The following HSD17B12 variants were observed in gnomAD, a reference collection of about 807,000 sequenced individuals.
HSD17B12 encodes hydroxysteroid 17-beta dehydrogenase 12, also known as very-long-chain 3-oxoacyl-CoA reductase.
HSD17B12 carries 32 observed loss-of-function variants against 39.3 expected under a neutral mutation model. The ratio of observed to expected loss-of-function variants is 0.81; its 90% CI spans 0.61 to 1.09. HSD17B12 has a LOEUF of 1.09. Ranked by LOEUF, HSD17B12 falls within the 50% of genes least tolerant of loss-of-function variation. HSD17B12 has a pLI of 0.00. For synonymous variants in HSD17B12, 150 were observed against 146.7 expected (o/e 1.02, Z -0.16); for missense variants, 342 against 382.9 (o/e 0.89, Z 0.89).
intron 3 of HSD17B12, among the ~76,000 whole-genome samples, chr11:43,767,214 A>C (rs1378372121): frequency 1.3e-5 from 2 of 151,976 alleles, no homozygotes; most frequent in African/African-American, 4.8e-5. Flanking sequence ...TAAAAAAAAA[A>C]AACACTTTTT....
the HSD17B12 span, among the ~76,000 whole-genome samples, chr11:43,583,382 T>A: frequency 6.6e-6 from 1 of 152,210 alleles, no homozygotes; most frequent in East Asian, 1.9e-4. Context: ...CAACTGTTGC[T>A]GCCTTGGAGA....
At position 43,827,663 on chromosome 11, in the gene HSD17B12, C is replaced by T. The variant is rs550256967; in HGVS notation, c.502-3313C>T. ...TGCAGATGGTTACATTTTAATATAA[C>T]ATTTTCAAGGATTTTCTAGGCCAGC... is the stretch of plus-strand genomic sequence containing the variant. On this transcript the variant is annotated intron_variant, in intron 6 of 10. Transcript: ENST00000278353. Among the ~76,000 whole-genome samples, 9 of 152,246 alleles carry T rather than the reference C, an allele frequency of 5.9e-5. No individual in the cohort carries two copies. In the South Asian group the frequency reaches 6.2e-4, roughly 11 times the overall value.
chr11:43,611,621 A>G, the HSD17B12 span, among the ~76,000 whole-genome samples: 1 of 152,238 alleles, frequency 6.6e-6, no homozygotes, highest in African/African-American at 2.4e-5. Context: ...TAGCAAGTAT[A>G]TAGATCTCCC....
the HSD17B12 span, among the ~76,000 whole-genome samples, chr11:43,672,739 C>T: frequency 6.6e-6 from 1 of 151,934 alleles, no homozygotes; most frequent in African/African-American, 2.4e-5. Context: ...TGGGGTTTCA[C>T]CATGTTGGCC....
intron 1 of HSD17B12, among the ~76,000 whole-genome samples, chr11:43,736,012 A>G (rs569046987): frequency 6.6e-6 from 1 of 152,344 alleles, no homozygotes; most frequent in East Asian, 1.9e-4. Context: ...GGGTATTCCC[A>G]AAGGAAGCCA....
intron 1 of HSD17B12, among the ~76,000 whole-genome samples, chr11:43,699,262 C>T (rs574847033): frequency 6.6e-6 from 1 of 152,086 alleles, no homozygotes; most frequent in African/African-American, 2.4e-5. Context: ...CCCCACTGTT[C>T]CCATCTCATG....
At chr11:43,827,466 G>C (rs927053305) in intron 6 of HSD17B12, among the ~76,000 whole-genome samples, 5 of 152,078 alleles carry the variant, frequency 3.3e-5, no homozygotes, top group Admixed American at 1.3e-4. Flanking sequence ...ACAAACTGTT[G>C]ATTACTGACG....
At chr11:43,809,474 T>C (rs1486899737) in intron 4 of HSD17B12, among the ~76,000 whole-genome samples, 2 of 152,218 alleles carry the variant, frequency 1.3e-5, no homozygotes, top group Non-Finnish European at 2.9e-5. Flanking sequence ...GTATACATTT[T>C]AAAAATTCAG....
chr11:43,727,863 T>C (rs1291760643), intron 1 of HSD17B12, among the ~76,000 whole-genome samples: 5 of 152,174 alleles, frequency 3.3e-5, no homozygotes, highest in African/African-American at 1.2e-4. Context: ...CAGTAATGTA[T>C]AGTGGGCAGT....
chr11:43,846,595 G>A (rs1951476924), intron 9 of HSD17B12, among the ~76,000 whole-genome samples: 1 of 152,210 alleles, frequency 6.6e-6, no homozygotes, highest in Non-Finnish European at 1.5e-5. Flanking sequence ...AACCTGGGAG[G>A]CAGAGGTTGC....
chr11:43,854,143 G>A (rs916216972), intron 9 of HSD17B12: 1 of 152,252 alleles, frequency 6.6e-6, no homozygotes, highest in Non-Finnish European at 1.5e-5. Context: ...GAAAAAAAGG[G>A]AGGTGGTTCT....
intron 4 of HSD17B12, among the ~76,000 whole-genome samples, chr11:43,805,618 A>G (rs1334163889): frequency 6.6e-6 from 1 of 152,206 alleles, no homozygotes; most frequent in South Asian, 2.1e-4. Flanking sequence ...TATATAGGAA[A>G]GGGTTATAAG....
chr11:43,631,837 T>C, the HSD17B12 span, among the ~76,000 whole-genome samples: 4 of 151,834 alleles, frequency 2.6e-5, no homozygotes, highest in Non-Finnish European at 2.9e-5. Context: ...CTCCAGGGAG[T>C]TGGTCATTTG....
the HSD17B12 span, among the ~76,000 whole-genome samples, chr11:43,594,115 A>G: frequency 3.1e-3 from 479 of 152,312 alleles, 10 homozygotes; most frequent in East Asian, 0.047. Context: ...CTTCACCCTA[A>G]TAATTGGATT....
At chr11:43,564,714 G>A in the HSD17B12 span, among the ~76,000 whole-genome samples, 1 of 152,138 alleles carries the variant, frequency 6.6e-6, no homozygotes, top group Non-Finnish European at 1.5e-5. Flanking sequence ...CCAGATCAAA[G>A]TTGTTTTGAC....
intron 1 of HSD17B12, among the ~76,000 whole-genome samples, chr11:43,746,432 C>G (rs1321848349): frequency 6.6e-6 from 1 of 152,012 alleles, no homozygotes; most frequent in African/African-American, 2.4e-5. Flanking sequence ...TGGCCTGGGC[C>G]TACACCAGGT....
chr11:43,781,303 G>T (rs1468101012), intron 3 of HSD17B12, among the ~76,000 whole-genome samples: 1 of 152,044 alleles, frequency 6.6e-6, no homozygotes, highest in Admixed American at 6.6e-5. Context: ...ATTATGCAAG[G>T]ATGCTATGAA....
intron 1 of HSD17B12, among the ~76,000 whole-genome samples, chr11:43,720,092 G>A (rs1254397261): frequency 6.6e-6 from 1 of 152,140 alleles, no homozygotes; most frequent in Non-Finnish European, 1.5e-5. Context: ...ATATTTTCAA[G>A]GTCTCAACAA....
intron 1 of HSD17B12, among the ~76,000 whole-genome samples, chr11:43,685,696 C>A (rs1949791676): frequency 6.6e-6 from 1 of 152,214 alleles, no homozygotes; most frequent in Non-Finnish European, 1.5e-5. Context: ...GTCATCCGTT[C>A]TGCAACATTC....
Sources: gnomAD v4.1 joint callset for allele counts (sites outside exome capture counted in the v4.1 genomes callset) on GRCh38, gnomAD v4.1.1 for gene constraint, MANE v1.5 for transcripts, NCBI Gene and HGNC (gene_info 2026-07-23, HGNC 2026-07-21) for gene names.